Variants in GFI1B observed in about 807,000 individuals in gnomAD.
GFI1B encodes zinc finger protein Gfi-1b.
GFI1B carries 20 observed loss-of-function variants against 35.3 expected under a neutral mutation model. That is an observed-to-expected ratio of 0.57 (90% CI 0.40 to 0.82). The LOEUF is 0.82. Among genes scored for constraint, GFI1B ranks in the 40% least tolerant of loss-of-function variants. The probability of loss-of-function intolerance (pLI) is 0.00; values close to 1 mark genes in which losing one functional copy is unlikely to be tolerated. For missense variants in GFI1B, 430 were observed against 446.3 expected (o/e 0.96, Z 0.33); for synonymous variants, 178 against 177.6 (o/e 1.00, Z -0.02).
At chr9:132,952,146 C>A (rs941360406) in intron 1 of GFI1B, 2 of 151,908 alleles carry the variant, frequency 1.3e-5, no homozygotes, top group Non-Finnish European at 2.9e-5. Context: ...AAATTTTCAA[C>A]TTGGTTGTTA....
chr9:132,988,858 T>G (rs965746096), intron 4 of GFI1B, among the ~76,000 whole-genome samples: 2 of 151,912 alleles, frequency 1.3e-5, no homozygotes, highest in African/African-American at 4.8e-5. Flanking sequence ...CATCCAACTT[T>G]GTAGAAGGGA....
chr9:132,958,248 C>T (rs1278916552), intron 1 of GFI1B, among the ~76,000 whole-genome samples: 2 of 151,922 alleles, frequency 1.3e-5, no homozygotes, highest in African/African-American at 4.8e-5. Flanking sequence ...GGTGGTAAGA[C>T]GGGAGATAGA....
At chr9:132,973,018 A>C (rs1232897922) in intron 2 of GFI1B, among the ~76,000 whole-genome samples, 13 of 152,252 alleles carry the variant, frequency 8.5e-5, no homozygotes, top group African/African-American at 2.9e-4. Flanking sequence ...GCAGCGGGAC[A>C]GAGCCAGCAG....
At chr9:132,957,366 AT>A (rs1464873933) in intron 1 of GFI1B, among the ~76,000 whole-genome samples, 1 of 152,270 alleles carries the variant, frequency 6.6e-6, no homozygotes, top group East Asian at 1.9e-4. Context: ...TGTAGCAGCT[AT>A]GAGGAGTTGC....
chr9:132,974,714 C>T (rs1264535883), upstream of GFI1B, among the ~76,000 whole-genome samples: 1 of 151,416 alleles, frequency 6.6e-6, no homozygotes, highest in East Asian at 1.9e-4. Flanking sequence ...GTGGGGAGGT[C>T]CTACTTTAGT....
chr9:132,958,429 A>C (rs1848315927), intron 1 of GFI1B, among the ~76,000 whole-genome samples: 1 of 152,202 alleles, frequency 6.6e-6, no homozygotes, highest in Admixed American at 6.5e-5. Context: ...TCATGGCGGA[A>C]GGCAAATGGA....
rs1466591466 is a variant in GFI1B at position 132,991,114 on chromosome 9, TCA to T, written c.*67_*68del. ...CGGTCCTGTCACCTGGAGGCCAGCC[TCA>T]CATGCCCAAATCTCCAGTCTCCTGG... On this transcript the variant is annotated 3_prime_UTR_variant, in exon 7 of 7. Transcript: ENST00000372122. 26 of 1,425,002 alleles carry T rather than the reference TCA, an allele frequency of 1.8e-5. No individual in the cohort carries two copies. In the African/African-American group the frequency reaches 3.4e-4, roughly 18 times the overall value. 88.3% of individuals were successfully genotyped at this position (1,425,002 alleles called of 1,614,324 possible).
rs373491836 is a variant in GFI1B at position 132,990,862 on chromosome 9, C to T, written c.815-10C>T. On this transcript the variant is annotated splice_polypyrimidine_tract_variant and intron_variant, in intron 6 of 6. Transcript: ENST00000372122. Reference sequence around the variant, plus strand: ...CCCGCCCTTGCTGTGCTGCGCTGCCCTCCCTGCAGGTGAGAAGCCGCACAA... The same window carrying T: ...CCCGCCCTTGCTGTGCTGCGCTGCCTTCCCTGCAGGTGAGAAGCCGCACAA... 22 of 1,613,878 alleles carry T rather than the reference C, an allele frequency of 1.4e-5. No homozygotes were observed. Among genetic ancestry groups the T allele is most frequent in the Non-Finnish European group, 1.8e-5 (21 of 1,179,924 alleles).
At chr9:132,956,268 T>C (rs751531534) in intron 1 of GFI1B, among the ~76,000 whole-genome samples, 1 of 152,224 alleles carries the variant, frequency 6.6e-6, no homozygotes, top group African/African-American at 2.4e-5. Flanking sequence ...GAAAAGCTAC[T>C]ATCATACCCT....
intron 1 of GFI1B, chr9:132,953,317 T>C (rs1228804831): frequency 6.6e-6 from 1 of 152,216 alleles, no homozygotes; most frequent in African/African-American, 2.4e-5. Context: ...CTATATTCAG[T>C]GGCTACTATA....
intron 3 of GFI1B, among the ~76,000 whole-genome samples, chr9:132,987,688 G>A (rs553790265): frequency 1.4e-4 from 21 of 152,240 alleles, no homozygotes; most frequent in Non-Finnish European, 2.5e-4. Flanking sequence ...GAGGCTGGGG[G>A]TGTCTCTGGG....
chr9:132,973,813 T>G (rs541003800), upstream of GFI1B, among the ~76,000 whole-genome samples: 3 of 152,314 alleles, frequency 2.0e-5, no homozygotes, highest in Admixed American at 2.0e-4. Flanking sequence ...TAATGACAGC[T>G]GTTGTTCCTG....
At chr9:132,978,321 GA>G (rs957690730), upstream of GFI1B, among the ~76,000 whole-genome samples, 3 of 148,946 alleles carry the variant, frequency 2.0e-5, no homozygotes, top group Non-Finnish European at 4.4e-5. Flanking sequence ...AGGGAAGGAA[GA>G]AAAAAGGCAA....
At chr9:132,964,743 CTTTTTTTTTTTT>C (rs71376675) in intron 1 of GFI1B, among the ~76,000 whole-genome samples, 17,478 of 108,566 alleles carry the variant, frequency 0.16, 1,378 homozygotes, top group African/African-American at 0.25. Flanking sequence ...ATTTTTCTTC[CTTTTTTTTTTTT>C]TTTTTTTTTT....
At chr9:132,961,432 A>AAC (rs1848361970) in intron 1 of GFI1B, among the ~76,000 whole-genome samples, 1 of 151,702 alleles carries the variant, frequency 6.6e-6, no homozygotes, top group Non-Finnish European at 1.5e-5. Flanking sequence ...CAAAAAAAAA[A>AAC]AACAACAGAA....
chr9:132,992,309 C>T (rs935941983), downstream of GFI1B, among the ~76,000 whole-genome samples: 40 of 152,268 alleles, frequency 2.6e-4, no homozygotes, highest in African/African-American at 9.1e-4. Flanking sequence ...ACGTAATCAC[C>T]GTGATTGGCT....
chr9:132,963,208 G>T (rs530887252), intron 1 of GFI1B, among the ~76,000 whole-genome samples: 2 of 151,816 alleles, frequency 1.3e-5, no homozygotes, highest in African/African-American at 4.8e-5. Context: ...TTGGTCAGGC[G>T]TGGTGGCTCA....
rs1426521584 is a variant in GFI1B, at chr9:132,990,967, T to G, written c.910T>G (p.Phe304Val). The change falls in exon 7 of 7, where the codon TTC (phenylalanine) becomes GTC (valine). Residue 304 changes from phenylalanine (F) to valine (V), a missense_variant. Coordinates refer to ENST00000372122, the MANE Select transcript of GFI1B (RefSeq NM_001377304.1). ...CCGCAAGCACACAGGCTTCAAGCCC[T>G]TCAGCTGTGAGCTGTGCACCAAAGG... is the stretch of plus-strand genomic sequence containing the variant. ...HSRKHTGFKP[F>V]SCELCTKGFQ... The G allele has an allele frequency of 6.2e-7, 1 of 1,614,186 alleles. No individual in the cohort carries two copies. The highest frequency in any genetic ancestry group is 2.2e-5 in the East Asian group (1 of 44,890).
intron 1 of GFI1B, among the ~76,000 whole-genome samples, chr9:132,983,279 C>G (rs556433112): frequency 9.7e-5 from 14 of 143,712 alleles, no homozygotes; most frequent in African/African-American, 3.1e-4. Context: ...TCACTGCAAC[C>G]TCCGCCTCCC....
Sources: gnomAD v4.1 joint callset for allele counts (sites outside exome capture counted in the v4.1 genomes callset) on GRCh38, gnomAD v4.1.1 for gene constraint, MANE v1.5 for transcripts, NCBI Gene and HGNC (gene_info 2026-07-23, HGNC 2026-07-21) for gene names.